ALK: variants seen among roughly 807,000 people sequenced by gnomAD.
ALK encodes ALK receptor tyrosine kinase.
ALK carries 74 observed loss-of-function variants against 163.1 expected under a neutral mutation model. That is an observed-to-expected ratio of 0.45 (90% CI 0.38 to 0.55). The LOEUF is 0.55. ALK is among the 20% of genes least tolerant of loss of function. The pLI is 0.00. For synonymous variants in ALK, 960 were observed against 843.2 expected (o/e 1.14, Z -2.40); for missense variants, 2,063 against 2,105.3 (o/e 0.98, Z 0.39).
chr2:29,790,665 C>T (rs1335506980), intron 1 of ALK, among the ~76,000 whole-genome samples: 3 of 152,124 alleles, frequency 2.0e-5, no homozygotes, highest in Admixed American at 6.5e-5. Flanking sequence ...CTCACTGCAA[C>T]CTCTGCCTCC....
intron 5 of ALK, among the ~76,000 whole-genome samples, chr2:29,382,487 G>A (rs1668924778): frequency 6.6e-6 from 1 of 152,152 alleles, no homozygotes; most frequent in Non-Finnish European, 1.5e-5. Context: ...CTGATATCTG[G>A]ACTTTTGCAG....
At chr2:29,403,221 A>T (rs1000812735) in intron 4 of ALK, among the ~76,000 whole-genome samples, 1 of 152,194 alleles carries the variant, frequency 6.6e-6, no homozygotes, top group African/African-American at 2.4e-5. Flanking sequence ...CATCAAAAAC[A>T]CAGAAAAGCC....
At chr2:29,237,456 C>T (rs1664414704) in intron 13 of ALK, among the ~76,000 whole-genome samples, 1 of 152,218 alleles carries the variant, frequency 6.6e-6, no homozygotes, top group Non-Finnish European at 1.5e-5. Context: ...TTGGCTCCCT[C>T]TCCTCCAGCC....
intron 1 of ALK, among the ~76,000 whole-genome samples, chr2:29,829,355 C>A (rs115355466): frequency 0.015 from 2,333 of 151,068 alleles, 65 homozygotes; most frequent in African/African-American, 0.054. Flanking sequence ...TAAACTGATG[C>A]AGTTTAACCA....
At chr2:29,888,379 C>T (rs933103585) in intron 1 of ALK, among the ~76,000 whole-genome samples, 1 of 151,182 alleles carries the variant, frequency 6.6e-6, no homozygotes, top group Non-Finnish European at 1.5e-5. Context: ...GAAATATAAA[C>T]ATCAAGATAA....
At chr2:29,252,727 T>C (rs1481942425) in intron 11 of ALK, among the ~76,000 whole-genome samples, 2 of 152,156 alleles carry the variant, frequency 1.3e-5, no homozygotes, top group South Asian at 2.1e-4. Flanking sequence ...CAAAGGAAGA[T>C]GTTTATTTCT....
chr2:29,467,185 G>A lies in ALK; in HGVS notation c.1154+64730C>T, dbSNP rs72792500. Among the ~76,000 whole-genome samples, 607 of 151,458 alleles carry A rather than the reference G, an allele frequency of 4.0e-3. 4 individuals are homozygous for A. The highest frequency in any genetic ancestry group is 7.1e-3 in the Non-Finnish European group (482 of 67,970). On this transcript the variant is annotated intron_variant, in intron 4 of 28. Transcript: ENST00000389048. ...TGTTTTGGGATCATGAGGACCAAGA[G>A]CCTTGTTTGACCAGGGCTTCCAATG...
intron 18 of ALK, 33 bp downstream of exon 18, chr2:29,226,889 G>A: frequency 2.5e-6 from 4 of 1,613,256 alleles, no homozygotes; most frequent in Non-Finnish European, 3.4e-6. Context: ...CAGGCTATGG[G>A]CCCCTCTGCC....
intron 12 of ALK, among the ~76,000 whole-genome samples, chr2:29,243,796 A>G (rs1664583860): frequency 6.6e-6 from 1 of 152,236 alleles, no homozygotes; most frequent in Non-Finnish European, 1.5e-5. Flanking sequence ...TTGAGAAACA[A>G]CAAGAAATTA....
intron 8 of ALK, among the ~76,000 whole-genome samples, chr2:29,307,156 G>A (rs1666548144): frequency 6.6e-6 from 1 of 152,246 alleles, no homozygotes; most frequent in African/African-American, 2.4e-5. Context: ...CCTCGTGGCA[G>A]CTTCAGGACA....
At chr2:29,546,830 T>G (rs1215007084) in intron 3 of ALK, among the ~76,000 whole-genome samples, 2 of 152,234 alleles carry the variant, frequency 1.3e-5, no homozygotes, top group African/African-American at 4.8e-5. Context: ...TGCAGGAGTC[T>G]CATAAAATCT....
intron 2 of ALK, among the ~76,000 whole-genome samples, chr2:29,707,670 G>A (rs1275257475): frequency 6.6e-6 from 1 of 152,182 alleles, no homozygotes; most frequent in African/African-American, 2.4e-5. Flanking sequence ...TTAAATCCCA[G>A]CTCAAATACT....
At chr2:29,903,491 C>A (rs1667467157) in intron 1 of ALK, among the ~76,000 whole-genome samples, 1 of 152,100 alleles carries the variant, frequency 6.6e-6, no homozygotes, top group Admixed American at 6.5e-5. Flanking sequence ...CTAACATAAA[C>A]CCTACCCAAA....
chr2:29,760,660 T>C (rs1255451703), intron 1 of ALK, among the ~76,000 whole-genome samples: 2 of 152,230 alleles, frequency 1.3e-5, no homozygotes, highest in African/African-American at 4.8e-5. Flanking sequence ...CAAGTTATGC[T>C]GTCTGACTGG....
chr2:29,780,916 AAAG>A (rs1230635049), intron 1 of ALK, among the ~76,000 whole-genome samples: 1 of 152,246 alleles, frequency 6.6e-6, no homozygotes, highest in Non-Finnish European at 1.5e-5. Flanking sequence ...AGTGTAGTTT[AAAG>A]AAAAGGTCAG....
chr2:29,414,384 T>C (rs1669814678), intron 4 of ALK, among the ~76,000 whole-genome samples: 1 of 152,198 alleles, frequency 6.6e-6, no homozygotes, highest in Non-Finnish European at 1.5e-5. Flanking sequence ...AAATTGAATG[T>C]AACCTGACAG....
At chr2:29,569,444 A>G (rs1321992453) in intron 3 of ALK, among the ~76,000 whole-genome samples, 2 of 152,196 alleles carry the variant, frequency 1.3e-5, no homozygotes, top group African/African-American at 4.8e-5. Context: ...CCTTGTCTAT[A>G]GAATGGGTTG....
At chr2:29,477,390 G>C (rs1285740758) in intron 4 of ALK, among the ~76,000 whole-genome samples, 1 of 152,166 alleles carries the variant, frequency 6.6e-6, no homozygotes, top group Admixed American at 6.5e-5. Context: ...CTCTAGTTGT[G>C]GTGAGGATTT....
intron 1 of ALK, among the ~76,000 whole-genome samples, chr2:29,794,644 A>T (rs1322161475): frequency 6.6e-6 from 1 of 152,278 alleles, no homozygotes; most frequent in Middle Eastern, 3.4e-3. Context: ...ATATTTTTGT[A>T]TCTCAGGGAA....
Sources: allele counts gnomAD v4.1 joint callset (sites outside exome capture counted in the v4.1 genomes callset), GRCh38; gene constraint gnomAD v4.1.1; transcripts MANE v1.5; gene names NCBI Gene and HGNC (gene_info 2026-07-23, HGNC 2026-07-21).